The following IMMP2L variants were observed in gnomAD, a reference collection of about 807,000 sequenced individuals.
IMMP2L encodes inner mitochondrial membrane peptidase subunit 2.
Under a neutral mutation model 19.3 loss-of-function variants are expected in IMMP2L, and 18 were observed. That is an observed-to-expected ratio of 0.93 (90% CI 0.64 to 1.38). The LOEUF is 1.38. Ranked by LOEUF, IMMP2L falls within the 40% of genes most tolerant of loss-of-function variation. The pLI, the probability that IMMP2L is intolerant of heterozygous loss-of-function variation, is 0.00. For synonymous variants in IMMP2L, 76 were observed against 73.0 expected, an observed-to-expected ratio of 1.04 and a Z score of -0.21; for missense variants, 233 against 218.2, an observed-to-expected ratio of 1.07 and a Z score of -0.43.
chr7:111,254,499 C>G (rs1456764693), intron 3 of IMMP2L, among the ~76,000 whole-genome samples: 1 of 151,952 alleles, frequency 6.6e-6, no homozygotes, highest in African/African-American at 2.4e-5. Flanking sequence ...ATTTCGCTAC[C>G]TAATATTGTA....
At chr7:111,501,123 C>A (rs1844200207) in intron 2 of IMMP2L, among the ~76,000 whole-genome samples, 1 of 151,940 alleles carries the variant, frequency 6.6e-6, no homozygotes, top group Admixed American at 6.6e-5. Flanking sequence ...CAGAGAAGTC[C>A]TTAAAGGAGC....
intron 3 of IMMP2L, among the ~76,000 whole-genome samples, chr7:111,444,111 T>C (rs893067939): frequency 6.6e-6 from 1 of 152,148 alleles, no homozygotes; most frequent in African/African-American, 2.4e-5. Context: ...TTGAGAGAAA[T>C]AAGGTTGTTA....
intron 3 of IMMP2L, among the ~76,000 whole-genome samples, chr7:111,228,778 C>T (rs887556523): frequency 1.3e-5 from 2 of 151,994 alleles, no homozygotes; most frequent in African/African-American, 4.8e-5. Context: ...TATCCTATGG[C>T]TATCCATCTT....
At chr7:111,254,493 C>T (rs780646850) in intron 3 of IMMP2L, among the ~76,000 whole-genome samples, 26 of 152,038 alleles carry the variant, frequency 1.7e-4, no homozygotes, top group Non-Finnish European at 2.5e-4. Context: ...TAGGATATTT[C>T]GCTACCTAAT....
intron 3 of IMMP2L, among the ~76,000 whole-genome samples, chr7:111,215,085 G>A (rs1811794911): frequency 6.6e-6 from 1 of 152,036 alleles, no homozygotes; most frequent in South Asian, 2.1e-4. Context: ...GTTTGCCATA[G>A]TACCCATCAC....
rs1794034605 is a variant in IMMP2L at position 110,698,474 on chromosome 7, C to T, written c.409-34753G>A. ...AGTAGCATCCAGAATTGTAAAAGGA[C>T]AGGTGGATGGATGAATGGAGCGATG... On this transcript the variant is annotated intron_variant, in intron 5 of 5. Transcript: ENST00000405709. Among the ~76,000 whole-genome samples, 3 of 152,104 alleles carry T rather than the reference C, an allele frequency of 2.0e-5. No homozygotes were observed. The South Asian group carries it at 6.2e-4, about 32-fold the overall frequency.
In IMMP2L at chr7:110,868,117, T is replaced by TTGTG. The variant is rs71151813; in HGVS notation, c.408+18472_408+18475dup. Among the ~76,000 whole-genome samples, 144 of 144,472 alleles carry TTGTG rather than the reference T, an allele frequency of 1.0e-3. 1 individual carries two copies. Among genetic ancestry groups the TTGTG allele is most frequent in the African/African-American group, 3.0e-3 (115 of 38,714 alleles). 94.8% of individuals were successfully genotyped at this position (144,472 alleles called of 152,430 possible). ...TCTGAATACCAGGTTCTTGTGAGGT[T>TTGTG]TGTGTGTGTGTGTGTGTGTGTGTGT... On this transcript the variant is annotated intron_variant, in intron 5 of 5. Coordinates refer to ENST00000405709, the MANE Select transcript of IMMP2L (RefSeq NM_032549.4).
chr7:111,470,916 C>A (rs943845569), intron 3 of IMMP2L, among the ~76,000 whole-genome samples: 1 of 150,284 alleles, frequency 6.7e-6, no homozygotes, highest in East Asian at 1.9e-4. Context: ...GAGAAGAGGG[C>A]CAAAAAAGGA....
At chr7:111,472,377 C>G (rs1759288505) in intron 3 of IMMP2L, among the ~76,000 whole-genome samples, 1 of 152,042 alleles carries the variant, frequency 6.6e-6, no homozygotes. Context: ...TCATGTTGCT[C>G]ATTAATGTAA....
chr7:111,295,679 G>A (rs954730102), intron 3 of IMMP2L, among the ~76,000 whole-genome samples: 2 of 151,718 alleles, frequency 1.3e-5, no homozygotes, highest in Non-Finnish European at 3.0e-5. Context: ...ATAAATGTGT[G>A]CAACCATTGT....
intron 3 of IMMP2L, among the ~76,000 whole-genome samples, chr7:111,413,099 T>C (rs1834587270): frequency 1.3e-5 from 2 of 152,130 alleles, no homozygotes; most frequent in Admixed American, 6.5e-5. Flanking sequence ...CAGAGGACTA[T>C]TGTGAACAAT....
At chr7:111,337,659 C>T (rs767002679) in intron 3 of IMMP2L, among the ~76,000 whole-genome samples, 1 of 151,954 alleles carries the variant, frequency 6.6e-6, no homozygotes, top group Admixed American at 6.6e-5. Context: ...AAACTAAGTA[C>T]CATACATGGG....
At chr7:111,038,996 C>A (rs1395810424) in intron 3 of IMMP2L, among the ~76,000 whole-genome samples, 5 of 151,922 alleles carry the variant, frequency 3.3e-5, no homozygotes, top group Admixed American at 3.3e-4. Flanking sequence ...AATTTTTTTT[C>A]TCTTACATCT....
At chr7:110,675,110 C>A (rs1792204107) in intron 5 of IMMP2L, among the ~76,000 whole-genome samples, 1 of 152,118 alleles carries the variant, frequency 6.6e-6, no homozygotes, top group African/African-American at 2.4e-5. Context: ...CTCTTATTTT[C>A]TTGACCTCCC....
At chr7:111,139,419 T>C (rs1562843051) in intron 3 of IMMP2L, among the ~76,000 whole-genome samples, 1 of 152,120 alleles carries the variant, frequency 6.6e-6, no homozygotes, top group Non-Finnish European at 1.5e-5. Context: ...GTTCAACAAG[T>C]ATTTACTAAG....
chr7:111,426,904 T>C (rs1836133565), intron 3 of IMMP2L, among the ~76,000 whole-genome samples: 1 of 151,230 alleles, frequency 6.6e-6, no homozygotes, highest in South Asian at 2.1e-4. Context: ...CATATACCTA[T>C]TCAGGCAATT....
At chr7:111,030,884 GTATATATATATATATATA>G (rs57774530) in intron 3 of IMMP2L, among the ~76,000 whole-genome samples, 66,117 of 127,288 alleles carry the variant, frequency 0.52, 16,960 homozygotes, top group Non-Finnish European at 0.61. Flanking sequence ...GTGTGTGTGT[GTATATATATATATATATA>G]TATATATATA....
intron 3 of IMMP2L, among the ~76,000 whole-genome samples, chr7:111,002,591 G>C (rs1823827757): frequency 6.6e-6 from 1 of 152,036 alleles, no homozygotes; most frequent in Non-Finnish European, 1.5e-5. Context: ...TTATGGGATG[G>C]GATATGAAGA....
At chr7:111,446,161 G>A (rs900577974) in intron 3 of IMMP2L, among the ~76,000 whole-genome samples, 3 of 152,166 alleles carry the variant, frequency 2.0e-5, no homozygotes, top group Non-Finnish European at 4.4e-5. Context: ...GGCTTGCTTA[G>A]GTAAACAAAG....
Sources: allele counts gnomAD v4.1 joint callset (sites outside exome capture counted in the v4.1 genomes callset), GRCh38; gene constraint gnomAD v4.1.1; transcripts MANE v1.5; gene names NCBI Gene and HGNC (gene_info 2026-07-23, HGNC 2026-07-21).